BEND5: variants seen among roughly 807,000 people sequenced by gnomAD.
BEND5 encodes the protein BEN domain-containing protein 5.
BEND5 carries 22 observed loss-of-function variants against 43.9 expected under a neutral mutation model. The observed-to-expected ratio is 0.50, with a 90% CI of 0.36 to 0.72. The LOEUF is 0.72. Ranked by LOEUF, BEND5 falls within the 30% of genes least tolerant of loss-of-function variation. The pLI, the probability that BEND5 is intolerant of heterozygous loss-of-function variation, is 0.00. For synonymous variants in BEND5, 228 were observed against 225.9 expected (o/e 1.01, Z -0.08); for missense variants, 428 against 550.6 (o/e 0.78, Z 2.23).
chr1:48,764,511 T>C (rs1386552558), intron 1 of BEND5, among the ~76,000 whole-genome samples: 1 of 152,040 alleles, frequency 6.6e-6, no homozygotes, highest in Non-Finnish European at 1.5e-5. Flanking sequence ...TGGATCAAAA[T>C]GGTTATGAAA....
chr1:48,768,614 T>C (rs1455120245), intron 1 of BEND5, among the ~76,000 whole-genome samples: 3 of 152,180 alleles, frequency 2.0e-5, no homozygotes, highest in Admixed American at 6.5e-5. Context: ...TACAGTATTA[T>C]TAAAATGGGA....
At chr1:48,761,087 G>A (rs895753348) in intron 2 of BEND5, 8 of 389,084 alleles carry the variant, frequency 2.1e-5, no homozygotes, top group Non-Finnish European at 3.7e-5. Context: ...CTCCAACAGC[G>A]ATGACACTGC....
chr1:48,742,478 A>G (rs1158308770), intron 4 of BEND5, 145 bp downstream of exon 4: 1 of 761,196 alleles, frequency 1.3e-6, no homozygotes, highest in Non-Finnish European at 1.9e-6. Context: ...TACTGATAGT[A>G]TACAAATTCC....
Position 48,776,677 on chromosome 1 carries a change from T to A in BEND5, c.155A>T (p.Glu52Val). The A allele has an allele frequency of 6.6e-7, 1 of 1,506,540 alleles. No homozygotes were observed. Among genetic ancestry groups the A allele is most frequent in the East Asian group, 2.8e-5 (1 of 35,718 alleles). The allele number at this position is 1,506,540 out of a possible 1,614,324, so 93.3% of individuals were successfully genotyped here. A position where few individuals can be genotyped will look rare whatever the true frequency, so the allele number is the denominator to read the frequency against. Reference sequence around the variant, plus strand: ...GTCGCGGGGGGCGCGCGGGGGGCTCTCGGGCCCGGCGCCCAATTCCTCCGG... The same window carrying A: ...GTCGCGGGGGGCGCGCGGGGGGCTCACGGGCCCGGCGCCCAATTCCTCCGG... ...RGPEELGAGPESPPRAPRDWG... is the reference protein window; with the variant it reads ...RGPEELGAGPVSPPRAPRDWG... Residue 52 changes from glutamate to valine, a missense_variant, in exon 1 of 6, where the codon GAG (glutamate) becomes GTG (valine). Coordinates refer to ENST00000371833, the MANE Select transcript of BEND5 (RefSeq NM_024603.4).
At chr1:48,738,158 T>C (rs1649355788) in intron 4 of BEND5, among the ~76,000 whole-genome samples, 1 of 152,216 alleles carries the variant, frequency 6.6e-6, no homozygotes, top group African/African-American at 2.4e-5. Flanking sequence ...GCAAAACTTC[T>C]TCCTTTACCA....
At chr1:48,740,440 T>C (rs898859999) in intron 4 of BEND5, among the ~76,000 whole-genome samples, 3 of 152,220 alleles carry the variant, frequency 2.0e-5, no homozygotes, top group African/African-American at 7.2e-5. Context: ...AATTTGATGG[T>C]CTTTGCAGCT....
At chr1:48,762,515 G>C (rs1489644240) in intron 1 of BEND5, among the ~76,000 whole-genome samples, 6 of 152,006 alleles carry the variant, frequency 3.9e-5, no homozygotes, top group Admixed American at 3.9e-4. Context: ...GTCCTCAAAG[G>C]TTCCCACTGG....
intron 2 of BEND5, 35 bp from the exon 3 acceptor site, chr1:48,759,319 G>A (rs1220645201): frequency 6.5e-7 from 1 of 1,538,530 alleles, no homozygotes; most frequent in Non-Finnish European, 8.8e-7. Context: ...TCAGGCAAGG[G>A]CAGCTGGGAT....
At chr1:48,751,026 G>A (rs1237806916) in intron 3 of BEND5, among the ~76,000 whole-genome samples, 7 of 152,184 alleles carry the variant, frequency 4.6e-5, no homozygotes, top group Non-Finnish European at 1.5e-5. Context: ...ACTGCTTCAT[G>A]ATATAGCATT....
intron 5 of BEND5, among the ~76,000 whole-genome samples, chr1:48,734,211 G>T (rs1368494867): frequency 6.6e-6 from 1 of 152,192 alleles, no homozygotes; most frequent in Non-Finnish European, 1.5e-5. Flanking sequence ...CCAGGCAAGG[G>T]AGGCAGCTAT....
chr1:48,744,666 T>C (rs1037555110), intron 3 of BEND5, among the ~76,000 whole-genome samples: 1 of 152,182 alleles, frequency 6.6e-6, no homozygotes, highest in Non-Finnish European at 1.5e-5. Context: ...TTCTCTCCCA[T>C]CCATCTCTAT....
At chr1:48,772,597 A>G (rs1644892420) in intron 1 of BEND5, among the ~76,000 whole-genome samples, 1 of 152,230 alleles carries the variant, frequency 6.6e-6, no homozygotes, top group Admixed American at 6.5e-5. Context: ...AAGGAGGGCT[A>G]TGAATGCCAG....
intron 3 of BEND5, among the ~76,000 whole-genome samples, chr1:48,745,678 A>G (rs1373452419): frequency 1.3e-5 from 2 of 152,190 alleles, no homozygotes; most frequent in East Asian, 3.9e-4. Context: ...CTCAAATGCC[A>G]TCTCTCCAAT....
intron 3 of BEND5, among the ~76,000 whole-genome samples, chr1:48,750,170 T>A (rs1473456636): frequency 3.9e-5 from 6 of 152,152 alleles, no homozygotes; most frequent in African/African-American, 1.4e-4. Context: ...TGTTGATTGA[T>A]TTGCCTGACT....
At chr1:48,765,128 C>A (rs964923141) in intron 1 of BEND5, among the ~76,000 whole-genome samples, 1 of 152,240 alleles carries the variant, frequency 6.6e-6, no homozygotes, top group Non-Finnish European at 1.5e-5. Context: ...ATCCTACCTA[C>A]CTTCTTTGTA....
In BEND5 at chr1:48,742,706, T is replaced by C. The variant is rs773905436; in HGVS notation, c.811A>G (p.Thr271Ala). The change falls in exon 4 of 6, where the codon ACT becomes GCT. Residue 271 changes from threonine to alanine, a missense_variant. Coordinates refer to ENST00000371833, the MANE Select transcript of BEND5 (RefSeq NM_024603.4). ...GACGTATTTGCTTCCTCACTGAAAG[T>C]GCTCCGTAACTCCGGCTCGGGCTCG... ...CLEPEPELRSTFSEEANTSSY... is the reference protein window; with the variant it reads ...CLEPEPELRSAFSEEANTSSY... 4 of 1,611,416 alleles carry C rather than the reference T, an allele frequency of 2.5e-6. No individual in the cohort carries two copies. In the South Asian group the frequency reaches 4.4e-5, roughly 18 times the overall value.
At chr1:48,733,875 T>C (rs1485070217) in intron 5 of BEND5, among the ~76,000 whole-genome samples, 1 of 152,160 alleles carries the variant, frequency 6.6e-6, no homozygotes, top group Non-Finnish European at 1.5e-5. Flanking sequence ...TGTTTGGAAA[T>C]GAGGCCACAG....
chr1:48,751,253 T>C (rs553179162), intron 3 of BEND5, among the ~76,000 whole-genome samples: 2 of 152,264 alleles, frequency 1.3e-5, no homozygotes, highest in South Asian at 2.1e-4. Context: ...GGCTTTTAAA[T>C]TAAGCAGGAA....
chr1:48,748,595 G>A (rs1651141239), intron 3 of BEND5, among the ~76,000 whole-genome samples: 1 of 152,172 alleles, frequency 6.6e-6, no homozygotes, highest in African/African-American at 2.4e-5. Context: ...GATGAGAGGA[G>A]CTTGTTGGGT....
Sources: allele counts gnomAD v4.1 joint callset (sites outside exome capture counted in the v4.1 genomes callset), GRCh38; gene constraint gnomAD v4.1.1; transcripts MANE v1.5; gene names NCBI Gene and HGNC (gene_info 2026-07-23, HGNC 2026-07-21).